Variants in RGS9 observed in about 807,000 individuals in gnomAD.
The protein encoded by RGS9 is regulator of G protein signaling 9, also known as regulator of G-protein signalling 9.
In RGS9, 78 loss-of-function variants were observed where a neutral mutation model predicts 102.0. The observed-to-expected ratio is 0.76, with a 90% CI of 0.64 to 0.92. RGS9 has a LOEUF of 0.92. RGS9 is among the 40% of genes least tolerant of loss of function. The pLI, the probability that RGS9 is intolerant of heterozygous loss-of-function variation, is 0.00. For missense variants in RGS9, 833 were observed against 866.1 expected (o/e 0.96, Z 0.48); for synonymous variants, 353 against 318.6 (o/e 1.11, Z -1.15).
At position 65,156,290 on chromosome 17, in the gene RGS9, C is replaced by T. The variant is rs573323408; in HGVS notation, c.155-2005C>T. ...CACCCGCCTCGGCCTCCCAAAGTGC[C>T]GGGATTACAGGCATGAGCCACCGCG... is the stretch of plus-strand genomic sequence containing the variant. On this transcript the variant is annotated intron_variant, in intron 2 of 18. Coordinates refer to ENST00000262406, the MANE Select transcript of RGS9 (RefSeq NM_003835.4). Among the ~76,000 whole-genome samples the T allele has an allele frequency of 7.1e-4, 108 of 152,210 alleles. 1 individual carries two copies. Among genetic ancestry groups the T allele is most frequent in the African/African-American group, 2.5e-3 (105 of 41,546 alleles).
chr17:65,146,200 A>G (rs554302070), intron 1 of RGS9, among the ~76,000 whole-genome samples: 15 of 152,308 alleles, frequency 9.8e-5, no homozygotes, highest in African/African-American at 3.1e-4. Context: ...CTGCTTTTAT[A>G]ACATGCTGCT....
chr17:65,193,463 G>A, intron 11 of RGS9, 80 bp from the exon 12 acceptor site: 1 of 865,640 alleles, frequency 1.2e-6, no homozygotes, highest in Non-Finnish European at 2.0e-6. Context: ...AAAGAGGACA[G>A]CCTGGTCAGT....
At chr17:65,163,120 C>A (rs373967930) in intron 7 of RGS9, 31 bp downstream of exon 7, 6 of 1,132,078 alleles carry the variant, frequency 5.3e-6, no homozygotes, top group African/African-American at 1.6e-5. Flanking sequence ...CTTGTCCTCT[C>A]GGTGTCTTTC....
rs768388734 is a variant in RGS9 at position 65,160,836 on chromosome 17, T to G, written c.365-15T>G. 1.9e-6 allele frequency: 3 copies of G among 1,612,654 alleles called. No individual in the cohort carries two copies. The South Asian group carries it at 3.3e-5, about 18-fold the overall frequency. ...GAAAGATGATGATGGAAAATGTCAT[T>G]GCTTTCTTTTCCAGCCATCTATCTG... On this transcript the variant is annotated splice_polypyrimidine_tract_variant and intron_variant, in intron 5 of 18. Transcript: ENST00000262406.
At chr17:65,169,048 A>G (rs1240475172) in intron 8 of RGS9, among the ~76,000 whole-genome samples, 1 of 152,226 alleles carries the variant, frequency 6.6e-6, no homozygotes, top group Non-Finnish European at 1.5e-5. Context: ...CCGAAGAGTT[A>G]GAAAGAAATG....
intron 6 of RGS9, 27 bp from the exon 7 acceptor site, chr17:65,162,986 T>A (rs1911044596): frequency 7.9e-7 from 1 of 1,272,626 alleles, no homozygotes; most frequent in Non-Finnish European, 1.1e-6. Context: ...TGGGGCTTTC[T>A]GTTCTCATTT....
chr17:65,203,234 C>T (rs922234166), intron 14 of RGS9, among the ~76,000 whole-genome samples: 1 of 152,190 alleles, frequency 6.6e-6, no homozygotes, highest in African/African-American at 2.4e-5. Flanking sequence ...ATTTGCCCAG[C>T]TCCTCCCACA....
intron 11 of RGS9, among the ~76,000 whole-genome samples, chr17:65,191,519 C>T (rs946446398): frequency 5.3e-5 from 8 of 151,664 alleles, no homozygotes; most frequent in East Asian, 1.9e-4. Flanking sequence ...GGGCTGAGGT[C>T]GGGGCGGATC....
intron 8 of RGS9, 40 bp downstream of exon 8, chr17:65,168,321 T>C: frequency 7.1e-7 from 1 of 1,402,616 alleles, no homozygotes; most frequent in Non-Finnish European, 1.0e-6. Flanking sequence ...TCTCTTCCTG[T>C]GCCTCCCACC....
intron 18 of RGS9, 148 bp from the exon 19 acceptor site, chr17:65,227,127 C>T: frequency 1.1e-6 from 1 of 931,294 alleles, no homozygotes; most frequent in African/African-American, 1.6e-5. Flanking sequence ...TAGTCAAATG[C>T]TCTACCCCTG....
At chr17:65,160,453 G>C (rs1480499342) in intron 4 of RGS9, 83 bp from the exon 5 acceptor site, 43 of 1,586,780 alleles carry the variant, frequency 2.7e-5, no homozygotes, top group Non-Finnish European at 3.5e-5. Context: ...GGCCAAGGTG[G>C]TTGGATTTCT....
chr17:65,189,387 C>T lies in RGS9; in HGVS notation c.684+72C>T, dbSNP rs1912271548. 4 of 1,172,574 alleles carry T rather than the reference C, an allele frequency of 3.4e-6. No individual in the cohort carries two copies. The South Asian group carries it at 4.9e-5, about 14-fold the overall frequency. The allele number at this position is 1,172,574 out of a possible 1,614,324, so 72.6% of individuals were successfully genotyped here. A position where few individuals can be genotyped will look rare whatever the true frequency, so the allele number is the denominator to read the frequency against. On this transcript the variant is annotated intron_variant, in intron 10 of 18. Coordinates refer to ENST00000262406, the MANE Select transcript of RGS9 (RefSeq NM_003835.4). ...ACAGGTTATATGTACTTTGTTTTACCCTCTGCGCTTGGTAATGAAATGAAA... is the reference window on the plus strand; with the variant it reads ...ACAGGTTATATGTACTTTGTTTTACTCTCTGCGCTTGGTAATGAAATGAAA...
intron 8 of RGS9, among the ~76,000 whole-genome samples, chr17:65,174,439 G>C (rs919549896): frequency 1.3e-5 from 2 of 152,166 alleles, no homozygotes; most frequent in African/African-American, 4.8e-5. Flanking sequence ...GTGCGAGTGT[G>C]TGTACATGTG....
intron 1 of RGS9, among the ~76,000 whole-genome samples, chr17:65,151,343 C>CCA (rs1910571008): frequency 1.0e-5 from 1 of 95,974 alleles, no homozygotes; most frequent in African/African-American, 4.7e-5. Flanking sequence ...AGACCTGTCC[C>CCA]AAAAAAAAAA....
intron 17 of RGS9, among the ~76,000 whole-genome samples, chr17:65,212,982 G>C (rs149500504): frequency 6.6e-6 from 1 of 152,210 alleles, no homozygotes; most frequent in Non-Finnish European, 1.5e-5. Context: ...AAGAATGAAT[G>C]AATGAATGAA....
intron 17 of RGS9, 113 bp downstream of exon 17, chr17:65,210,718 T>C (rs1223963805): frequency 1.6e-5 from 24 of 1,544,840 alleles, no homozygotes; most frequent in Middle Eastern, 1.9e-4. Context: ...TGAAGAAGGG[T>C]AGGGTCAGAG....
chr17:65,203,929 T>G (rs904003823), intron 14 of RGS9, among the ~76,000 whole-genome samples: 1 of 152,016 alleles, frequency 6.6e-6, no homozygotes, highest in Non-Finnish European at 1.5e-5. Context: ...CTCCTGGAGG[T>G]TGGAAACATC....
intron 2 of RGS9, 23 bp downstream of exon 2, chr17:65,153,541 C>T (rs761879095): frequency 9.4e-6 from 15 of 1,589,900 alleles, no homozygotes; most frequent in Non-Finnish European, 1.2e-5. Flanking sequence ...GCACTTTAGT[C>T]TTGGCCTGGA....
At chr17:65,181,492 G>A (rs115597038) in intron 9 of RGS9, among the ~76,000 whole-genome samples, 1,688 of 152,334 alleles carry the variant, frequency 0.011, 37 homozygotes, top group African/African-American at 0.038. Flanking sequence ...GCCCTGGGTG[G>A]CCCACTCCCA....
Sources: allele counts gnomAD v4.1 joint callset (sites outside exome capture counted in the v4.1 genomes callset), GRCh38; gene constraint gnomAD v4.1.1; transcripts MANE v1.5; gene names NCBI Gene and HGNC (gene_info 2026-07-23, HGNC 2026-07-21).